The following ADGRL3 variants were observed in gnomAD, a reference collection of about 807,000 sequenced individuals.
ADGRL3 encodes adhesion G protein-coupled receptor L3.
Under a neutral mutation model 153.5 loss-of-function variants are expected in ADGRL3, and 62 were observed. The observed-to-expected ratio is 0.40, with a 90% CI of 0.33 to 0.50. ADGRL3 has a LOEUF of 0.50. ADGRL3 is among the 20% of genes least tolerant of loss of function. The pLI, the probability that ADGRL3 is intolerant of heterozygous loss-of-function variation, is 0.47. For missense variants in ADGRL3, 1,641 were observed against 1,859.4 expected, an observed-to-expected ratio of 0.88 and a Z score of 2.16; for synonymous variants, 710 against 672.5, an observed-to-expected ratio of 1.06 and a Z score of -0.86.
rs550983645 is a variant in ADGRL3 at position 61,767,567 on chromosome 4, C to T, written c.1399+34013C>T. ...CAATCGGGCAGTGTCAGTCTTCAGC[C>T]GGTAAGCCAAGAAGGAGTCAGTCAG... is the stretch of plus-strand genomic sequence containing the variant. On this transcript the variant is annotated intron_variant, in intron 8 of 26. Coordinates refer to ENST00000683033, the MANE Select transcript of ADGRL3 (RefSeq NM_001387552.1). Among the ~76,000 whole-genome samples the T allele has an allele frequency of 3.0e-3, 451 of 152,154 alleles. 1 individual carries two copies. The highest frequency in any genetic ancestry group is 0.01 in the African/African-American group (430 of 41,494).
At chr4:61,705,103 C>T (rs2095834506) in intron 6 of ADGRL3, among the ~76,000 whole-genome samples, 1 of 152,128 alleles carries the variant, frequency 6.6e-6, no homozygotes, top group Admixed American at 6.6e-5. Context: ...TTTGTAATAG[C>T]ATCTAGAATG....
intron 4 of ADGRL3, among the ~76,000 whole-genome samples, chr4:61,574,106 T>C (rs1214769942): frequency 1.3e-5 from 2 of 151,972 alleles, no homozygotes; most frequent in African/African-American, 4.8e-5. Context: ...CATTTACACC[T>C]ATCCAGTCAC....
At chr4:61,784,565 G>A (rs899853259) in intron 8 of ADGRL3, among the ~76,000 whole-genome samples, 7 of 152,106 alleles carry the variant, frequency 4.6e-5, no homozygotes, top group Admixed American at 4.6e-4. Flanking sequence ...GGGGTATGGG[G>A]TGTGAAAGAT....
intron 1 of ADGRL3, among the ~76,000 whole-genome samples, chr4:61,370,865 A>T (rs969410272): frequency 2.0e-4 from 31 of 152,096 alleles, no homozygotes; most frequent in African/African-American, 6.3e-4. Flanking sequence ...GTGGGAGTCT[A>T]AGTCTCTTTG....
chr4:61,919,573 A>G (rs1230820000), intron 13 of ADGRL3, among the ~76,000 whole-genome samples: 1 of 152,206 alleles, frequency 6.6e-6, no homozygotes, highest in East Asian at 1.9e-4. Flanking sequence ...TAAGTTGTAG[A>G]CATTAAACGC....
At chr4:61,806,574 C>T (rs1301561299) in intron 8 of ADGRL3, among the ~76,000 whole-genome samples, 1 of 151,908 alleles carries the variant, frequency 6.6e-6, no homozygotes, top group Non-Finnish European at 1.5e-5. Context: ...ATTTTCATAA[C>T]AGAATTTGAG....
intron 4 of ADGRL3, among the ~76,000 whole-genome samples, chr4:61,583,500 G>A (rs142372995): frequency 6.6e-6 from 1 of 152,222 alleles, no homozygotes; most frequent in African/African-American, 2.4e-5. Context: ...GAAAACAAGT[G>A]AGCAAGAATA....
chr4:61,362,721 T>C (rs2096307777), intron 1 of ADGRL3, among the ~76,000 whole-genome samples: 1 of 152,144 alleles, frequency 6.6e-6, no homozygotes, highest in Non-Finnish European at 1.5e-5. Context: ...AGGGCTGTTC[T>C]TACTGTTTCA....
chr4:62,052,657 A>C (rs28372240), intron 25 of ADGRL3, among the ~76,000 whole-genome samples: 1 of 151,242 alleles, frequency 6.6e-6, no homozygotes, highest in Non-Finnish European at 1.5e-5. Flanking sequence ...TATTTGTAGA[A>C]TATTTTTTAT....
chr4:61,673,345 T>A (rs1284837381), intron 5 of ADGRL3, among the ~76,000 whole-genome samples: 1 of 151,894 alleles, frequency 6.6e-6, no homozygotes, highest in Non-Finnish European at 1.5e-5. Flanking sequence ...GATGAATATG[T>A]TAATTAGCCT....
chr4:61,248,683 A>G (rs1263870022), intron 1 of ADGRL3, among the ~76,000 whole-genome samples: 1 of 152,150 alleles, frequency 6.6e-6, no homozygotes, highest in Admixed American at 6.6e-5. Flanking sequence ...TTTCTTTTAA[A>G]AGCACATCTA....
chr4:61,278,503 TTTTC>T (rs1157292494), intron 1 of ADGRL3, among the ~76,000 whole-genome samples: 1 of 152,134 alleles, frequency 6.6e-6, no homozygotes, highest in Non-Finnish European at 1.5e-5. Flanking sequence ...TTTCTTTTTC[TTTTC>T]TTTCTTTCTT....
chr4:61,839,082 G>A (rs951316190), intron 9 of ADGRL3, among the ~76,000 whole-genome samples: 3 of 152,140 alleles, frequency 2.0e-5, no homozygotes, highest in African/African-American at 4.8e-5. Flanking sequence ...AGCGTGTACT[G>A]GAGTATTTAA....
Position 61,353,146 on chromosome 4 carries a change from T to A in ADGRL3, c.-239-29978T>A, listed in dbSNP as rs138289721. Among the ~76,000 whole-genome samples, 351 of 152,302 alleles carry A rather than the reference T, an allele frequency of 2.3e-3. 5 individuals are homozygous for A. Among genetic ancestry groups the A allele is most frequent in the African/African-American group, 8.1e-3 (336 of 41,578 alleles). ...GTGATCCAGGTAGTTTATATTGTCC[T>A]TTATTTGTGTGCTATTTTGAATAAG... On this transcript the variant is annotated intron_variant, in intron 1 of 26. Transcript: ENST00000683033.
At chr4:61,822,407 T>G (rs192500231) in intron 9 of ADGRL3, among the ~76,000 whole-genome samples, 3 of 152,162 alleles carry the variant, frequency 2.0e-5, no homozygotes, top group Admixed American at 1.3e-4. Context: ...ATCCTATTAC[T>G]TTTTTATTCA....
chr4:61,599,993 T>G (rs1358730118), intron 5 of ADGRL3, among the ~76,000 whole-genome samples: 6 of 152,182 alleles, frequency 3.9e-5, no homozygotes, highest in Non-Finnish European at 8.8e-5. Context: ...AAAAATTAAT[T>G]TAAACTGAAA....
chr4:62,063,601 A>G (rs1741390362), intron 25 of ADGRL3: 1 of 699,106 alleles, frequency 1.4e-6, no homozygotes, highest in Non-Finnish European at 2.6e-6. Flanking sequence ...GCGGTCTGTA[A>G]CAACCCTTCT....
At position 61,202,798 on chromosome 4, in the gene ADGRL3, C is replaced by T. The variant is rs1372549243; in HGVS notation, c.-240+1033C>T. On this transcript the variant is annotated intron_variant, in intron 1 of 26. Coordinates refer to ENST00000683033, the MANE Select transcript of ADGRL3 (RefSeq NM_001387552.1). The surrounding 1 kb of genome is among the most constrained non-coding windows in gnomAD (Gnocchi z 5.0). The stretch of plus-strand genomic sequence containing the variant: ...TGGTGTGTAGGGGTGGGGGCGACCT[C>T]CTCTACCAGCCTTACTTGGCGGCGG... 1.3e-5 allele frequency among the ~76,000 whole-genome samples: 2 copies of T among 152,090 alleles called. No homozygotes were observed. The highest frequency in any genetic ancestry group is 2.9e-5 in the Non-Finnish European group (2 of 67,998).
chr4:61,412,043 A>C (rs1457371708), intron 2 of ADGRL3, among the ~76,000 whole-genome samples: 1 of 152,108 alleles, frequency 6.6e-6, no homozygotes, highest in Admixed American at 6.6e-5. Context: ...ACTTCAGTAA[A>C]CTAGGTGCTA....
Sources: allele counts gnomAD v4.1 joint callset (sites outside exome capture counted in the v4.1 genomes callset), GRCh38; gene constraint gnomAD v4.1.1; non-coding constraint Gnocchi (gnomAD v3.1); transcripts MANE v1.5; gene names NCBI Gene and HGNC (gene_info 2026-07-23, HGNC 2026-07-21).